The following FAM135B variants were observed in gnomAD, a reference collection of about 807,000 sequenced individuals.
The protein encoded by FAM135B is family with sequence similarity 135 member B.
FAM135B carries 43 observed loss-of-function variants against 127.7 expected under a neutral mutation model. That is an observed-to-expected ratio of 0.34 (90% CI 0.26 to 0.43). FAM135B has a LOEUF of 0.43. Among genes scored for constraint, FAM135B ranks in the 20% least tolerant of loss-of-function variants. The probability of loss-of-function intolerance (pLI) is 1.00; values close to 1 mark genes in which losing one functional copy is unlikely to be tolerated. For synonymous variants in FAM135B, 670 were observed against 665.1 expected (o/e 1.01, Z -0.11); for missense variants, 1,558 against 1,725.6 (o/e 0.90, Z 1.72).
chr8:138,446,585 G>A (rs1587475899), intron 1 of FAM135B, among the ~76,000 whole-genome samples: 2 of 152,142 alleles, frequency 1.3e-5, no homozygotes, highest in Non-Finnish European at 2.9e-5. Flanking sequence ...ATCGTTCAGG[G>A]AAAACTGGCT....
intron 2 of FAM135B, among the ~76,000 whole-genome samples, chr8:138,349,918 T>C (rs1829665700): frequency 6.6e-6 from 1 of 152,230 alleles, no homozygotes; most frequent in Non-Finnish European, 1.5e-5. Context: ...ATCTTCATGA[T>C]GATGATCAAG....
chr8:138,287,317 G>A (rs1824766453), intron 3 of FAM135B, among the ~76,000 whole-genome samples: 1 of 152,000 alleles, frequency 6.6e-6, no homozygotes, highest in African/African-American at 2.4e-5. Context: ...AACCTCCTTA[G>A]TAATTAGGGA....
intron 7 of FAM135B, among the ~76,000 whole-genome samples, chr8:138,230,064 A>T (rs143271796): frequency 1.3e-5 from 2 of 152,288 alleles, no homozygotes; most frequent in Admixed American, 6.5e-5. Flanking sequence ...TTTTTCAGGG[A>T]TGAGATATGT....
chr8:138,175,194 A>G (rs532299914), intron 11 of FAM135B, among the ~76,000 whole-genome samples: 42 of 152,296 alleles, frequency 2.8e-4, no homozygotes, highest in South Asian at 1.7e-3. Context: ...CATAATTACC[A>G]CAGTACACAA....
chr8:138,151,776 A>G lies in FAM135B; in HGVS notation c.2699T>C (p.Leu900Pro), dbSNP rs2130742555. Reference sequence around the variant, plus strand: ...AGGCATGCCCTTTGGGGTTTCCTCAAGTGCTCTATGAAGAGATCTGGTCCT... The same window carrying G: ...AGGCATGCCCTTTGGGGTTTCCTCAGGTGCTCTATGAAGAGATCTGGTCCT... ...NPRTRSLHRALEETPKGMPKD... is the reference protein window; with the variant it reads ...NPRTRSLHRAPEETPKGMPKD... The change falls in exon 13 of 20, where the codon CTT becomes CCT. Residue 900 changes from leucine to proline, a missense_variant. Physicochemically the swap from Leu to Pro is moderately conservative, Grantham distance 98. Coordinates refer to ENST00000395297, the MANE Select transcript of FAM135B (RefSeq NM_015912.4). 1.2e-6 allele frequency: 2 copies of G among 1,614,172 alleles called. No individual in the cohort carries two copies.
At chr8:138,363,842 G>A (rs1830583357) in intron 2 of FAM135B, among the ~76,000 whole-genome samples, 1 of 152,158 alleles carries the variant, frequency 6.6e-6, no homozygotes, top group Non-Finnish European at 1.5e-5. Context: ...GCAACATTTG[G>A]ATGGAGGAGA....
intron 1 of FAM135B, chr8:138,440,489 T>G (rs774381242): frequency 6.6e-6 from 1 of 152,116 alleles, no homozygotes; most frequent in East Asian, 1.9e-4. Flanking sequence ...ATTTAAATAT[T>G]TATAATAATG....
rs1026576884 is a variant in FAM135B at position 138,247,214 on chromosome 8, A to G, written c.542+3627T>C. ...TTTGAGGGACTGTTAGAAAGGCATG[A>G]TTGTGTTTTGAAACGCAAGGGCATG... is the stretch of plus-strand genomic sequence containing the variant. On this transcript the variant is annotated intron_variant, in intron 6 of 19. Coordinates refer to ENST00000395297, the MANE Select transcript of FAM135B (RefSeq NM_015912.4). 2.6e-5 allele frequency among the ~76,000 whole-genome samples: 4 copies of G among 152,204 alleles called. No homozygotes were observed. The East Asian group carries it at 7.7e-4, about 29-fold the overall frequency.
chr8:138,360,263 T>A (rs1479739965), intron 2 of FAM135B, among the ~76,000 whole-genome samples: 1 of 152,222 alleles, frequency 6.6e-6, no homozygotes, highest in African/African-American at 2.4e-5. Flanking sequence ...AAATGCAGGT[T>A]CATGCTCTTG....
At chr8:138,280,026 T>C (rs1427302538) in intron 3 of FAM135B, among the ~76,000 whole-genome samples, 3 of 152,084 alleles carry the variant, frequency 2.0e-5, no homozygotes, top group Non-Finnish European at 2.9e-5. Flanking sequence ...AGTCATGTAG[T>C]TTTATAAACG....
chr8:138,253,149 G>A (rs774328995), intron 5 of FAM135B, among the ~76,000 whole-genome samples: 1 of 152,106 alleles, frequency 6.6e-6, no homozygotes, highest in African/African-American at 2.4e-5. Context: ...ATTTGTCTGG[G>A]TGGTCACAAG....
At chr8:138,309,993 C>T (rs1402615399) in intron 3 of FAM135B, among the ~76,000 whole-genome samples, 1 of 151,584 alleles carries the variant, frequency 6.6e-6, no homozygotes, top group Non-Finnish European at 1.5e-5. Context: ...CCTCAGCCTC[C>T]TGGGTACTGA....
intron 9 of FAM135B, among the ~76,000 whole-genome samples, chr8:138,189,455 T>C (rs1372650718): frequency 2.0e-5 from 3 of 152,228 alleles, no homozygotes; most frequent in African/African-American, 2.4e-5. Context: ...TCTGCCCTCA[T>C]TGGCGGAAAG....
At chr8:138,248,456 T>C (rs1821449018) in intron 6 of FAM135B, among the ~76,000 whole-genome samples, 1 of 152,208 alleles carries the variant, frequency 6.6e-6, no homozygotes, top group African/African-American at 2.4e-5. Flanking sequence ...TTTCACCACA[T>C]GCAGCACTAT....
chr8:138,158,651 CAAAAG>C (rs542636036), intron 12 of FAM135B, among the ~76,000 whole-genome samples: 99 of 152,270 alleles, frequency 6.5e-4, no homozygotes, highest in Middle Eastern at 3.4e-3. Flanking sequence ...AGACACTTCT[CAAAAG>C]AAGACATTTA....
At chr8:138,194,271 C>T (rs1017829619) in intron 9 of FAM135B, among the ~76,000 whole-genome samples, 1 of 152,322 alleles carries the variant, frequency 6.6e-6, no homozygotes, top group Non-Finnish European at 1.5e-5. Context: ...CCCAAAGGCC[C>T]TCCAGCTCTA....
intron 9 of FAM135B, among the ~76,000 whole-genome samples, chr8:138,187,307 C>T (rs6987315): frequency 0.74 from 111,931 of 152,142 alleles, 41,607 homozygotes; most frequent in East Asian, 0.86. Context: ...CTGCAGAGAA[C>T]CTCTAATAAT....
chr8:138,333,334 T>G (rs1170746645), intron 2 of FAM135B, among the ~76,000 whole-genome samples: 2 of 152,190 alleles, frequency 1.3e-5, no homozygotes, highest in African/African-American at 2.4e-5. Context: ...GATAGCATCT[T>G]GGTCACTTGC....
At chr8:138,386,916 A>C (rs1047173919) in intron 1 of FAM135B, among the ~76,000 whole-genome samples, 2 of 152,114 alleles carry the variant, frequency 1.3e-5, no homozygotes, top group African/African-American at 4.8e-5. Context: ...ATGATCATAC[A>C]CTACAATGAG....
Sources: gnomAD v4.1 joint callset for allele counts (sites outside exome capture counted in the v4.1 genomes callset) on GRCh38, gnomAD v4.1.1 for gene constraint, MANE v1.5 for transcripts, NCBI Gene and HGNC (gene_info 2026-07-23, HGNC 2026-07-21) for gene names.